Variants in SYT1 observed in about 807,000 individuals in gnomAD.
SYT1 encodes synaptotagmin 1, also known as synaptotagmin-1.
SYT1 carries 8 observed loss-of-function variants against 44.8 expected under a neutral mutation model. That is an observed-to-expected ratio of 0.18 (90% CI 0.10 to 0.32). The LOEUF (loss-of-function observed/expected upper bound fraction) is 0.32, where lower values mean the gene tolerates loss of function less well. Ranked by LOEUF, SYT1 falls within the 10% of genes least tolerant of loss-of-function variation. The pLI is 1.00. For synonymous variants in SYT1, 154 were observed against 188.8 expected, an observed-to-expected ratio of 0.82 and a Z score of 1.51; for missense variants, 286 against 509.3, an observed-to-expected ratio of 0.56 and a Z score of 4.22.
rs114833524 is a variant in SYT1, at chr12:78,931,016, G to C, written c.-216-46783G>C. 4.5e-3 allele frequency among the ~76,000 whole-genome samples: 682 copies of C among 151,192 alleles called. 5 individuals are homozygous for C. Among genetic ancestry groups the C allele is most frequent in the African/African-American group, 0.016 (652 of 41,116 alleles). On this transcript the variant is annotated intron_variant, in intron 1 of 10. Transcript: ENST00000261205. ...ATGATTTAAGAAGTTAGATATTCAAGTCAGGCGCTGTGGCTCACGCGTGAA... is the reference window on the plus strand; with the variant it reads ...ATGATTTAAGAAGTTAGATATTCAACTCAGGCGCTGTGGCTCACGCGTGAA...
chr12:79,324,052 G>A (rs1394895431), intron 8 of SYT1, among the ~76,000 whole-genome samples: 4 of 149,074 alleles, frequency 2.7e-5, no homozygotes, highest in East Asian at 4.0e-4. Flanking sequence ...CCGTGTTCAA[G>A]CGATTCTCCT....
At position 79,299,564 on chromosome 12, in the gene SYT1, C is replaced by A; in HGVS notation, c.810+13C>A. 2 of 1,609,598 alleles carry A rather than the reference C, an allele frequency of 1.2e-6. No homozygotes were observed. Among genetic ancestry groups the A allele is most frequent in the Admixed American group, 1.7e-5 (1 of 59,038 alleles). On this transcript the variant is annotated intron_variant, in intron 8 of 10. Coordinates refer to ENST00000261205, the MANE Select transcript of SYT1 (RefSeq NM_005639.3). Reference sequence around the variant, plus strand: ...TGAGAAGGAAGAGGTAAGGGAATTACTAGCATTTCTAACATCACAAGCTGT... The same window carrying A: ...TGAGAAGGAAGAGGTAAGGGAATTAATAGCATTTCTAACATCACAAGCTGT...
At chr12:79,041,715 G>A (rs920399002) in intron 2 of SYT1, among the ~76,000 whole-genome samples, 7 of 151,436 alleles carry the variant, frequency 4.6e-5, no homozygotes, top group Non-Finnish European at 1.0e-4. Context: ...TTTTCAAAGG[G>A]AATGCTTCCA....
intron 9 of SYT1, among the ~76,000 whole-genome samples, chr12:79,422,414 AT>A (rs1326327418): frequency 1.3e-5 from 2 of 149,614 alleles, no homozygotes; most frequent in Non-Finnish European, 3.0e-5. Flanking sequence ...TTTGTCACTG[AT>A]TTCCCCCATC....
chr12:79,178,795 G>T (rs1310778676), intron 3 of SYT1, among the ~76,000 whole-genome samples: 1 of 149,834 alleles, frequency 6.7e-6, no homozygotes, highest in Non-Finnish European at 1.5e-5. Context: ...ATTTATTTTT[G>T]AGATGGAATT....
intron 9 of SYT1, among the ~76,000 whole-genome samples, chr12:79,420,230 A>G (rs1440799966): frequency 6.6e-6 from 1 of 152,142 alleles, no homozygotes; most frequent in Non-Finnish European, 1.5e-5. Flanking sequence ...GATGTATTAA[A>G]TAACACCCCA....
chr12:79,417,854 C>A (rs548034857), intron 9 of SYT1, among the ~76,000 whole-genome samples: 5 of 150,638 alleles, frequency 3.3e-5, no homozygotes, highest in Admixed American at 3.3e-4. Context: ...TTTTCTTTTG[C>A]ATATCATGTC....
At chr12:79,017,519 A>G (rs1451477805) in intron 2 of SYT1, among the ~76,000 whole-genome samples, 6 of 152,114 alleles carry the variant, frequency 3.9e-5, no homozygotes, top group Admixed American at 3.3e-4. Flanking sequence ...TTATTTACCA[A>G]CAAACTGATA....
intron 1 of SYT1, among the ~76,000 whole-genome samples, chr12:78,958,973 C>T (rs576863396): frequency 6.6e-6 from 1 of 152,024 alleles, no homozygotes. Context: ...GCAAATTATT[C>T]AGTCAATCCA....
intron 2 of SYT1, among the ~76,000 whole-genome samples, chr12:79,045,191 C>T (rs1042553569): frequency 2.2e-4 from 33 of 152,290 alleles, no homozygotes; most frequent in East Asian, 9.7e-4. Context: ...TAAGCAAGCC[C>T]GGGCAATGGC....
At chr12:79,124,233 A>T (rs1224562910) in intron 3 of SYT1, among the ~76,000 whole-genome samples, 1 of 152,194 alleles carries the variant, frequency 6.6e-6, no homozygotes, top group Non-Finnish European at 1.5e-5. Context: ...GTGGCCTGCC[A>T]TGGGAAAAAA....
intron 3 of SYT1, among the ~76,000 whole-genome samples, chr12:79,145,843 C>T (rs1046727611): frequency 2.1e-4 from 31 of 151,138 alleles, no homozygotes; most frequent in East Asian, 1.2e-3. Flanking sequence ...CTGCAAGCTC[C>T]GCCTCCCGGG....
chr12:79,299,892 A>G (rs931378042), intron 8 of SYT1, among the ~76,000 whole-genome samples: 1 of 152,124 alleles, frequency 6.6e-6, no homozygotes, highest in Non-Finnish European at 1.5e-5. Context: ...AAATTATTTT[A>G]TTTCTCATTT....
chr12:79,255,754 C>T (rs1351740323), intron 4 of SYT1, among the ~76,000 whole-genome samples: 3 of 152,086 alleles, frequency 2.0e-5, no homozygotes, highest in African/African-American at 7.2e-5. Context: ...ATGAGGTGCC[C>T]TTGTGTTTGC....
chr12:79,363,476 G>T (rs1883402655), intron 9 of SYT1, among the ~76,000 whole-genome samples: 1 of 151,782 alleles, frequency 6.6e-6, no homozygotes, highest in South Asian at 2.1e-4. Context: ...TGTAATCCCA[G>T]TACTTGGGCA....
At chr12:79,073,954 T>A (rs1876465269) in intron 3 of SYT1, among the ~76,000 whole-genome samples, 2 of 152,182 alleles carry the variant, frequency 1.3e-5, no homozygotes, top group Non-Finnish European at 2.9e-5. Flanking sequence ...CCTCACGTTG[T>A]CAATTTTGAT....
rs7973567 is a variant in SYT1 at position 78,980,034 on chromosome 12, T to C, written c.-84+2103T>C. Reference sequence around the variant, plus strand: ...TATTAATACAACTAAATTGAATTCTTTGGGCTGAGATTTTTCCATTTTTTC... The same window carrying C: ...TATTAATACAACTAAATTGAATTCTCTGGGCTGAGATTTTTCCATTTTTTC... On this transcript the variant is annotated intron_variant, in intron 2 of 10. Coordinates refer to ENST00000261205, the MANE Select transcript of SYT1 (RefSeq NM_005639.3). 8.6e-3 allele frequency among the ~76,000 whole-genome samples: 1,314 copies of C among 152,282 alleles called. 14 individuals carry two copies. Among genetic ancestry groups the C allele is most frequent in the Non-Finnish European group, 0.014 (946 of 68,004 alleles).
intron 4 of SYT1, among the ~76,000 whole-genome samples, chr12:79,236,059 C>G (rs1876170469): frequency 6.6e-6 from 1 of 152,140 alleles, no homozygotes; most frequent in Admixed American, 6.6e-5. Flanking sequence ...TTTCTGTCCT[C>G]TCTCTACTCT....
At chr12:78,931,883 CAG>C (rs1330095976) in intron 1 of SYT1, among the ~76,000 whole-genome samples, 2 of 152,164 alleles carry the variant, frequency 1.3e-5, no homozygotes, top group African/African-American at 2.4e-5. Flanking sequence ...TTGGTAAAAG[CAG>C]AGTCTGTTCT....
Sources: allele counts gnomAD v4.1 joint callset (sites outside exome capture counted in the v4.1 genomes callset), GRCh38; gene constraint gnomAD v4.1.1; transcripts MANE v1.5; gene names NCBI Gene and HGNC (gene_info 2026-07-23, HGNC 2026-07-21).